The following OXR1 variants were observed in gnomAD, a reference collection of about 807,000 sequenced individuals.
The protein encoded by OXR1 is oxidation resistance 1, also known as oxidation resistance protein 1.
A neutral mutation model predicts 104.6 loss-of-function variants in OXR1; 41 were observed. The ratio of observed to expected loss-of-function variants is 0.39; its 90% CI spans 0.31 to 0.51. The LOEUF is 0.51. Ranked by LOEUF, OXR1 falls within the 20% of genes least tolerant of loss-of-function variation. The pLI is 0.77. For missense variants in OXR1, 955 were observed against 1,031.9 expected (o/e 0.93, Z 1.02); for synonymous variants, 348 against 348.4 (o/e 1.00, Z 0.01).
intron 1 of OXR1, among the ~76,000 whole-genome samples, chr8:106,312,448 T>C (rs1018362718): frequency 2.0e-5 from 3 of 152,198 alleles, no homozygotes; most frequent in East Asian, 3.9e-4. Context: ...TGGCCTCAGA[T>C]GTCACATTTC....
chr8:106,486,003 A>C (rs1481929442), intron 2 of OXR1, among the ~76,000 whole-genome samples: 2 of 152,022 alleles, frequency 1.3e-5, no homozygotes, highest in Non-Finnish European at 2.9e-5. Context: ...AAAGGATACA[A>C]ATTTTTTATT....
intron 2 of OXR1, among the ~76,000 whole-genome samples, chr8:106,427,170 T>C (rs1365255685): frequency 1.3e-5 from 2 of 151,950 alleles, no homozygotes; most frequent in East Asian, 1.9e-4. Context: ...CATGAATTTA[T>C]TTATTTATTT....
chr8:106,292,580 G>C lies in OXR1; in HGVS notation c.-139+22213G>C, dbSNP rs554355577. Among the ~76,000 whole-genome samples the C allele has an allele frequency of 6.6e-5, 10 of 152,262 alleles. No individual in the cohort carries two copies. The South Asian group carries it at 2.1e-3, about 32-fold the overall frequency. On this transcript the variant is annotated intron_variant, in intron 1 of 16. Coordinates refer to ENST00000517566, the MANE Select transcript of OXR1 (RefSeq NM_001198533.2). ...TTCAGGTATCCATTGGTGGGTCTTG[G>C]AATGTATTCCTCTGCAGATAAAGAG...
chr8:106,298,091 T>C (rs1021429188), intron 1 of OXR1, among the ~76,000 whole-genome samples: 2 of 152,234 alleles, frequency 1.3e-5, no homozygotes, highest in Non-Finnish European at 2.9e-5. Flanking sequence ...TTTGTTTCTC[T>C]GCCTTCTCTA....
At chr8:106,498,603 T>C (rs1586724561) in intron 2 of OXR1, among the ~76,000 whole-genome samples, 1 of 152,206 alleles carries the variant, frequency 6.6e-6, no homozygotes, top group Non-Finnish European at 1.5e-5. Context: ...GATTGCATCT[T>C]TATGTTTCAT....
At chr8:106,711,498 T>C (rs989193797) in intron 10 of OXR1, among the ~76,000 whole-genome samples, 4 of 152,174 alleles carry the variant, frequency 2.6e-5, no homozygotes, top group Admixed American at 1.3e-4. Flanking sequence ...TTATAGTTCT[T>C]TGCAACAAAC....
chr8:106,443,377 A>T (rs1819874166), intron 2 of OXR1, among the ~76,000 whole-genome samples: 1 of 152,106 alleles, frequency 6.6e-6, no homozygotes, highest in Non-Finnish European at 1.5e-5. Context: ...AGAACAATGT[A>T]TACTCTGTTG....
At chr8:106,458,667 C>T (rs1820740533) in intron 2 of OXR1, among the ~76,000 whole-genome samples, 1 of 152,088 alleles carries the variant, frequency 6.6e-6, no homozygotes, top group South Asian at 2.1e-4. Context: ...AGGAGAGCTG[C>T]TGGGTGGACT....
At chr8:106,426,769 G>C (rs926642103) in intron 2 of OXR1, among the ~76,000 whole-genome samples, 5 of 152,106 alleles carry the variant, frequency 3.3e-5, no homozygotes, top group African/African-American at 1.2e-4. Flanking sequence ...AAAGTGTATG[G>C]TGTATGAACA....
At chr8:106,370,800 A>C (rs1001774358) in intron 2 of OXR1, among the ~76,000 whole-genome samples, 17 of 152,180 alleles carry the variant, frequency 1.1e-4, no homozygotes, top group African/African-American at 4.1e-4. Flanking sequence ...TTGGTTTGCT[A>C]GTATTTTATT....
At chr8:106,334,065 A>G (rs1157399444) in intron 1 of OXR1, among the ~76,000 whole-genome samples, 2 of 152,208 alleles carry the variant, frequency 1.3e-5, no homozygotes, top group Non-Finnish European at 2.9e-5. Flanking sequence ...GAGGATTACC[A>G]TCTTCACAAC....
intron 2 of OXR1, among the ~76,000 whole-genome samples, chr8:106,365,144 G>T (rs557660357): frequency 2.6e-4 from 39 of 152,148 alleles, no homozygotes; most frequent in Admixed American, 1.9e-3. Context: ...AAAGAGAAAG[G>T]TTAGATATGA....
chr8:106,503,897 A>G (rs1047722957), intron 2 of OXR1, among the ~76,000 whole-genome samples: 3 of 152,204 alleles, frequency 2.0e-5, no homozygotes, highest in African/African-American at 2.4e-5. Flanking sequence ...CCTGGGAAGG[A>G]GCTATGAGTG....
chr8:106,508,700 A>G (rs1328449771), intron 2 of OXR1, among the ~76,000 whole-genome samples: 1 of 152,230 alleles, frequency 6.6e-6, no homozygotes, highest in Non-Finnish European at 1.5e-5. Context: ...GTCAAGAAAC[A>G]ATGGGTTACC....
intron 3 of OXR1, among the ~76,000 whole-genome samples, chr8:106,530,040 A>T (rs1196245864): frequency 6.6e-6 from 1 of 152,220 alleles, no homozygotes; most frequent in Non-Finnish European, 1.5e-5. Context: ...CATTTCACTG[A>T]ATAATGGTGA....
chr8:106,600,651 T>C (rs1819903404), intron 3 of OXR1, among the ~76,000 whole-genome samples: 1 of 152,230 alleles, frequency 6.6e-6, no homozygotes, highest in Non-Finnish European at 1.5e-5. Flanking sequence ...ACTCTGTCCC[T>C]GTTGAGGATT....
At chr8:106,579,134 T>C (rs1335242358) in intron 3 of OXR1, among the ~76,000 whole-genome samples, 1 of 152,164 alleles carries the variant, frequency 6.6e-6, no homozygotes, top group African/African-American at 2.4e-5. Context: ...TATACCCTTC[T>C]GAACTGACTC....
chr8:106,508,452 TAGAAC>T (rs980001498), intron 2 of OXR1, among the ~76,000 whole-genome samples: 3 of 107,250 alleles, frequency 2.8e-5, no homozygotes, highest in African/African-American at 7.9e-5. Context: ...AGAAGAAAAC[TAGAAC>T]AGATACACCT....
At position 106,561,182 on chromosome 8, in the gene OXR1, C is replaced by T. The variant is rs1253324254; in HGVS notation, c.220+42043C>T. 2.6e-5 allele frequency among the ~76,000 whole-genome samples: 4 copies of T among 152,156 alleles called. No individual in the cohort carries two copies. In the East Asian group the frequency reaches 5.8e-4, roughly 22 times the overall value. ...AAGGGAGCCAAGTGGTCTTGCTCAG[C>T]GGATCCCACCCCCGCCAGAGCCCAG... is the stretch of plus-strand genomic sequence containing the variant. On this transcript the variant is annotated intron_variant, in intron 3 of 16. Coordinates refer to ENST00000517566, the MANE Select transcript of OXR1 (RefSeq NM_001198533.2).
Sources: allele counts gnomAD v4.1 joint callset (sites outside exome capture counted in the v4.1 genomes callset), GRCh38; gene constraint gnomAD v4.1.1; transcripts MANE v1.5; gene names NCBI Gene and HGNC (gene_info 2026-07-23, HGNC 2026-07-21).